The following ATP10A variants were observed in gnomAD, a reference collection of about 807,000 sequenced individuals.
ATP10A encodes the protein ATPase phospholipid transporting 10A (putative), also known as phospholipid-transporting ATPase VA.
Under a neutral mutation model 147.8 loss-of-function variants are expected in ATP10A, and 111 were observed. The observed-to-expected ratio is 0.75, with a 90% confidence interval of 0.64 to 0.88. ATP10A has a LOEUF of 0.88. ATP10A is among the 40% of genes least tolerant of loss of function. The pLI, the probability that ATP10A is intolerant of heterozygous loss-of-function variation, is 0.00. For missense variants in ATP10A, 1,927 were observed against 1,959.0 expected (o/e 0.98, Z 0.31); for synonymous variants, 875 against 841.6 (o/e 1.04, Z -0.69).
intron 2 of ATP10A, among the ~76,000 whole-genome samples, chr15:25,744,646 C>T (rs1887749928): frequency 6.6e-6 from 1 of 152,154 alleles, no homozygotes; most frequent in Non-Finnish European, 1.5e-5. Flanking sequence ...ATAGAGCCCA[C>T]ATGAAATTTT....
At chr15:25,800,027 A>G (rs142473714) in intron 1 of ATP10A, among the ~76,000 whole-genome samples, 1 of 152,324 alleles carries the variant, frequency 6.6e-6, no homozygotes, top group East Asian at 1.9e-4. Flanking sequence ...GAAAAGCGAC[A>G]AAGAACCTTG....
At chr15:25,817,633 C>A (rs1373685174) in intron 1 of ATP10A, among the ~76,000 whole-genome samples, 2 of 152,156 alleles carry the variant, frequency 1.3e-5, no homozygotes, top group Non-Finnish European at 2.9e-5. Flanking sequence ...TCTTTCCTTT[C>A]CCCCAAATCT....
chr15:25,863,118 G>GCTCCTCCGCCGCTCACGCCCGC lies in ATP10A; in HGVS notation c.-44_-23dup, dbSNP rs1302016545. 8.7e-7 allele frequency: 1 copy of GCTCCTCCGCCGCTCACGCCCGC among 1,155,290 alleles called. No individual in the cohort carries two copies. Among genetic ancestry groups the GCTCCTCCGCCGCTCACGCCCGC allele is most frequent in the Admixed American group, 4.8e-5 (1 of 20,980 alleles). 71.6% of individuals were successfully genotyped at this position (1,155,290 alleles called of 1,614,324 possible). A position where few individuals can be genotyped will look rare whatever the true frequency, so the allele number is the denominator to read the frequency against. On this transcript the variant is annotated 5_prime_UTR_variant, in exon 1 of 21. Coordinates refer to ENST00000555815, the MANE Select transcript of ATP10A (RefSeq NM_024490.4). ...CCATGGCCGCGTGTCGCCGCGCCCG[G>GCTCCTCCGCCGCTCACGCCCGC]CTCCTCCGCCGCTCACGCCCGCCCG...
At chr15:25,856,330 G>A (rs1175317911) in intron 1 of ATP10A, among the ~76,000 whole-genome samples, 1 of 152,090 alleles carries the variant, frequency 6.6e-6, no homozygotes, top group African/African-American at 2.4e-5. Flanking sequence ...TCTCTCTCCT[G>A]CTACCTTGTA....
At chr15:25,834,816 T>C (rs776247462) in intron 1 of ATP10A, among the ~76,000 whole-genome samples, 6 of 152,164 alleles carry the variant, frequency 3.9e-5, no homozygotes, top group Non-Finnish European at 7.3e-5. Flanking sequence ...CAGGCTACAA[T>C]ATGAATGAGC....
rs113820819 is a variant in ATP10A, at chr15:25,809,102, C to T, written c.450-27879G>A. On this transcript the variant is annotated intron_variant, in intron 1 of 20. Transcript: ENST00000555815. ...AAGTGAGAATGTCCCTCTTGTGTCC[C>T]TGAAACCTGAGCCCTGCAGATGCTT... Among the ~76,000 whole-genome samples, 550 of 152,266 alleles carry T rather than the reference C, an allele frequency of 3.6e-3. 4 individuals are homozygous for T. The highest frequency in any genetic ancestry group is 0.013 in the African/African-American group (537 of 41,550).
At chr15:25,822,977 CT>C (rs893077478) in intron 1 of ATP10A, among the ~76,000 whole-genome samples, 5 of 150,684 alleles carry the variant, frequency 3.3e-5, no homozygotes, top group African/African-American at 1.2e-4. Flanking sequence ...AATAACAACT[CT>C]TTTTTTTTCA....
chr15:25,799,503 G>A (rs1214388007), intron 1 of ATP10A, among the ~76,000 whole-genome samples: 1 of 151,962 alleles, frequency 6.6e-6, no homozygotes, highest in African/African-American at 2.4e-5. Flanking sequence ...TCCTCACTAA[G>A]AATAAAAACA....
intron 1 of ATP10A, among the ~76,000 whole-genome samples, chr15:25,782,127 T>C (rs1889955649): frequency 6.6e-6 from 1 of 152,184 alleles, no homozygotes. Context: ...GCTATAATAC[T>C]GAAGACATTG....
intron 1 of ATP10A, among the ~76,000 whole-genome samples, chr15:25,788,759 CACAG>C (rs1350889581): frequency 6.6e-6 from 1 of 152,176 alleles, no homozygotes; most frequent in African/African-American, 2.4e-5. Context: ...AAATGGAGAA[CACAG>C]ACAGTACTGC....
intron 1 of ATP10A, among the ~76,000 whole-genome samples, chr15:25,802,914 A>C (rs1205801673): frequency 6.6e-6 from 1 of 152,160 alleles, no homozygotes; most frequent in Non-Finnish European, 1.5e-5. Flanking sequence ...GGGGGTCATT[A>C]ATCTGCCTAA....
chr15:25,817,902 A>C (rs1308178942), intron 1 of ATP10A, among the ~76,000 whole-genome samples: 1 of 152,220 alleles, frequency 6.6e-6, no homozygotes, highest in East Asian at 1.9e-4. Flanking sequence ...TGCAATGTAC[A>C]TTCCTTTAAA....
At chr15:25,726,109 C>G (rs1430756413) in intron 4 of ATP10A, 27 bp from the exon 5 acceptor site, 1 of 1,608,532 alleles carries the variant, frequency 6.2e-7, no homozygotes, top group Admixed American at 1.7e-5. Flanking sequence ...AGAGACATGG[C>G]AAGTCAGAGA....
At chr15:25,762,202 G>T (rs1231448776) in intron 2 of ATP10A, among the ~76,000 whole-genome samples, 3 of 152,164 alleles carry the variant, frequency 2.0e-5, no homozygotes, top group African/African-American at 7.2e-5. Flanking sequence ...CTTCAGCCAT[G>T]ATTATAAGTT....
chr15:25,768,947 GAA>G (rs999508808), intron 2 of ATP10A, among the ~76,000 whole-genome samples: 4 of 152,068 alleles, frequency 2.6e-5, no homozygotes, highest in Admixed American at 6.5e-5. Flanking sequence ...TTCCTTGAAG[GAA>G]ATGCTAAGAA....
rs56870055 is a variant in ATP10A, at chr15:25,810,013, C to CAAA, written c.450-28793_450-28791dup. 9.3e-4 allele frequency among the ~76,000 whole-genome samples: 129 copies of CAAA among 139,332 alleles called. 1 individual carries two copies. In the East Asian group the frequency reaches 0.017, roughly 19 times the overall value. The allele number at this position is 139,332 out of a possible 152,430, so 91.4% of individuals were successfully genotyped here. On this transcript the variant is annotated intron_variant, in intron 1 of 20. Transcript: ENST00000555815. ...CATCCAAACGGGAAGAAGGTCATTA[C>CAAA]AAAAAAAAAAAAAATGACGGAACGT...
In ATP10A at chr15:25,691,706, G is replaced by C. The variant is rs549357062; in HGVS notation, c.3165+9C>G. The C allele has an allele frequency of 6.2e-7, 1 of 1,614,044 alleles. No individual in the cohort carries two copies. ...ATTGGTCACACAGAATAGCCTGATT[G>C]GTCTTTACCTGCATACCCTCCTGGC... is the stretch of plus-strand genomic sequence containing the variant. On this transcript the variant is annotated intron_variant, in intron 15 of 20. Transcript: ENST00000555815.
At chr15:25,712,880 C>T (rs1238382163) in intron 10 of ATP10A, among the ~76,000 whole-genome samples, 1 of 152,162 alleles carries the variant, frequency 6.6e-6, no homozygotes, top group Non-Finnish European at 1.5e-5. Context: ...CATGAGTGGT[C>T]CTGGGCTTCT....
chr15:25,753,094 A>T (rs2140590260), intron 2 of ATP10A, among the ~76,000 whole-genome samples: 1 of 152,356 alleles, frequency 6.6e-6, no homozygotes, highest in East Asian at 1.9e-4. Flanking sequence ...TTTTGTGGTA[A>T]GAACGTTTGA....
Sources: allele counts gnomAD v4.1 joint callset (sites outside exome capture counted in the v4.1 genomes callset), GRCh38; gene constraint gnomAD v4.1.1; transcripts MANE v1.5; gene names NCBI Gene and HGNC (gene_info 2026-07-23, HGNC 2026-07-21).